The following ADAM23 variants were observed in gnomAD, a reference collection of about 807,000 sequenced individuals.
The protein encoded by ADAM23 is ADAM metallopeptidase domain 23, also known as disintegrin and metalloproteinase domain-containing protein 23.
ADAM23 carries 33 observed loss-of-function variants against 120.1 expected under a neutral mutation model. That is an observed-to-expected ratio of 0.27 (90% CI 0.21 to 0.37). ADAM23 has a LOEUF of 0.37. ADAM23 is among the 10% of genes least tolerant of loss of function. The pLI, the probability that ADAM23 is intolerant of heterozygous loss-of-function variation, is 1.00. For missense variants in ADAM23, 862 were observed against 1,058.2 expected (o/e 0.81, Z 2.57); for synonymous variants, 367 against 375.2 (o/e 0.98, Z 0.25).
In ADAM23 at chr2:206,594,961, G is replaced by T. The variant is rs1210318575; in HGVS notation, c.2247+56G>T. On this transcript the variant is annotated intron_variant, in intron 23 of 25. Coordinates refer to ENST00000264377, the MANE Select transcript of ADAM23 (RefSeq NM_003812.4). ...CTTCATGGTCTGGCATGGTCACAGT[G>T]ACTGGACTTTAATTTCAGCCATTCT... 3.1e-6 allele frequency: 5 copies of T among 1,587,576 alleles called. No individual in the cohort carries two copies. In the African/African-American group the frequency reaches 6.7e-5, roughly 21 times the overall value.
In ADAM23 at chr2:206,594,764, T is replaced by C. The variant is rs1446121304; in HGVS notation, c.2106T>C (p.Asp702=). The part of the protein sequence containing the change: ...CSGAHVVLDD[D]TDVGYVEDGT... ...GTGCCCATGTAGTTTTAGATGATGA[T>C]ACGGATGTGGGCTATGTAGAAGATG... The change falls in exon 23 of 26, where the codon GAT becomes GAC. Residue 702 remains aspartate (D), a synonymous_variant. Coordinates refer to ENST00000264377, the MANE Select transcript of ADAM23 (RefSeq NM_003812.4). The C allele has an allele frequency of 1.2e-6, 2 of 1,614,082 alleles. No homozygotes were observed. Among genetic ancestry groups the C allele is most frequent in the Non-Finnish European group, 1.7e-6 (2 of 1,180,034 alleles).
In ADAM23 at chr2:206,568,227, G is replaced by A. The variant is rs187406720; in HGVS notation, c.1494+905G>A. Among the ~76,000 whole-genome samples the A allele has an allele frequency of 3.1e-3, 466 of 152,118 alleles. 2 individuals are homozygous for A. The highest frequency in any genetic ancestry group is 0.011 in the African/African-American group (444 of 41,494). ...TTATGGATACCATAAATACACATAC[G>A]TGTTTATAATGCATTGTCTCTTTAC... On this transcript the variant is annotated intron_variant, in intron 15 of 25. Coordinates refer to ENST00000264377, the MANE Select transcript of ADAM23 (RefSeq NM_003812.4).
chr2:206,557,592 T>C, intron 10 of ADAM23, 94 bp downstream of exon 10: 2 of 1,176,808 alleles, frequency 1.7e-6, no homozygotes, highest in South Asian at 2.5e-5. Flanking sequence ...TGAACAAATT[T>C]AAAAACACAA....
rs536947995 is a variant in ADAM23, at chr2:206,454,970, T to C, written c.432+9446T>C. Among the ~76,000 whole-genome samples, 10 of 152,314 alleles carry C rather than the reference T, an allele frequency of 6.6e-5. No homozygotes were observed. In the East Asian group the frequency reaches 1.9e-3, roughly 29 times the overall value. ...GCATGGTGCAAGCTGTTGATGGATC[T>C]ACCATTCTGAGGTCTAGAGGGCAGT... On this transcript the variant is annotated intron_variant, in intron 2 of 25. Coordinates refer to ENST00000264377, the MANE Select transcript of ADAM23 (RefSeq NM_003812.4).
intron 6 of ADAM23, among the ~76,000 whole-genome samples, chr2:206,545,373 C>G (rs551105371): frequency 2.6e-5 from 4 of 152,182 alleles, no homozygotes; most frequent in South Asian, 4.1e-4. Context: ...GTAATCCCAG[C>G]TAGTGGGGAG....
intron 24 of ADAM23, among the ~76,000 whole-genome samples, chr2:206,604,369 A>G (rs1292739167): frequency 1.3e-5 from 2 of 152,246 alleles, no homozygotes; most frequent in African/African-American, 2.4e-5. Context: ...ATGAGGCTTC[A>G]TATTTTGAAT....
intron 3 of ADAM23, among the ~76,000 whole-genome samples, chr2:206,504,537 A>G (rs540339474): frequency 1.6e-4 from 25 of 152,324 alleles, no homozygotes; most frequent in African/African-American, 5.1e-4. Context: ...TCAACTTTGT[A>G]TCCTAGATGC....
At chr2:206,565,751 T>C (rs1314463203) in intron 14 of ADAM23, among the ~76,000 whole-genome samples, 1 of 152,138 alleles carries the variant, frequency 6.6e-6, no homozygotes, top group African/African-American at 2.4e-5. Flanking sequence ...AGAGGTTTCC[T>C]CACCCATGTG....
rs758398051 is a variant in ADAM23, at chr2:206,592,600, T to C, written c.1959-17T>C. The C allele has an allele frequency of 1.9e-6, 3 of 1,612,222 alleles. No homozygotes were observed. The South Asian group carries it at 3.3e-5, about 18-fold the overall frequency. ...TTCCTCCTGTCTGGTCTGTTTGTTT[T>C]CTTTACACATGTTCAGTGATGTGTT... On this transcript the variant is annotated splice_polypyrimidine_tract_variant and intron_variant, in intron 21 of 25. Coordinates refer to ENST00000264377, the MANE Select transcript of ADAM23 (RefSeq NM_003812.4).
chr2:206,592,488 G>T, intron 21 of ADAM23, 129 bp from the exon 22 acceptor site: 2 of 1,215,894 alleles, frequency 1.6e-6, no homozygotes, highest in Non-Finnish European at 2.3e-6. Flanking sequence ...AATGATATAT[G>T]ATCAAATGTT....
intron 25 of ADAM23, 97 bp from the exon 26 acceptor site, chr2:206,617,482 A>C: frequency 2.2e-6 from 3 of 1,360,482 alleles, no homozygotes; most frequent in Non-Finnish European, 3.0e-6. Context: ...TGGAACTAGC[A>C]TTATTGTCAT....
intron 3 of ADAM23, among the ~76,000 whole-genome samples, chr2:206,501,269 T>C (rs1387045475): frequency 6.6e-6 from 1 of 152,158 alleles, no homozygotes; most frequent in Non-Finnish European, 1.5e-5. Context: ...TTGAGAGCTC[T>C]TCTGGTGTAT....
intron 3 of ADAM23, among the ~76,000 whole-genome samples, chr2:206,487,407 A>G (rs374154250): frequency 2.0e-5 from 3 of 152,142 alleles, no homozygotes. Context: ...AATGGAGACA[A>G]TTTGGTAGGC....
chr2:206,500,950 T>G (rs143598028), intron 3 of ADAM23, among the ~76,000 whole-genome samples: 13 of 152,250 alleles, frequency 8.5e-5, no homozygotes, highest in African/African-American at 2.9e-4. Flanking sequence ...GTTTTCCTGT[T>G]TAAAGTCAAT....
intron 18 of ADAM23, among the ~76,000 whole-genome samples, chr2:206,582,007 A>G (rs891352259): frequency 1.3e-5 from 2 of 151,960 alleles, no homozygotes; most frequent in African/African-American, 2.4e-5. Context: ...CCTCCCAAGT[A>G]GCTGGGATTA....
At position 206,608,569 on chromosome 2, in the gene ADAM23, T is replaced by C. The variant is rs117636067; in HGVS notation, c.2360-1341T>C. Among the ~76,000 whole-genome samples, 168 of 152,166 alleles carry C rather than the reference T, an allele frequency of 1.1e-3. 2 individuals carry two copies. The East Asian group carries it at 0.031, about 28-fold the overall frequency. ...AAACTATTTTTATGGCTCTCATTAT[T>C]ATTATTATTATTATTGGTGTATCTC... On this transcript the variant is annotated intron_variant, in intron 24 of 25. Coordinates refer to ENST00000264377, the MANE Select transcript of ADAM23 (RefSeq NM_003812.4).
intron 3 of ADAM23, among the ~76,000 whole-genome samples, chr2:206,511,045 T>A (rs1381365752): frequency 3.3e-5 from 5 of 152,178 alleles, no homozygotes; most frequent in Non-Finnish European, 7.3e-5. Context: ...ACAAGATGTA[T>A]CTTTTATCTT....
At chr2:206,482,141 A>T (rs1301974394) in intron 3 of ADAM23, among the ~76,000 whole-genome samples, 1 of 152,254 alleles carries the variant, frequency 6.6e-6, no homozygotes, top group African/African-American at 2.4e-5. Context: ...GCAAAGAATT[A>T]TAAAGAACAA....
At chr2:206,444,186 C>G (rs1695026158) in intron 1 of ADAM23, 106 bp downstream of exon 1, 3 of 855,542 alleles carry the variant, frequency 3.5e-6, no homozygotes, top group Non-Finnish European at 4.6e-6. Context: ...CCGGCTCGGC[C>G]TTTCCTTCCC....
Sources: allele counts gnomAD v4.1 joint callset (sites outside exome capture counted in the v4.1 genomes callset), GRCh38; gene constraint gnomAD v4.1.1; transcripts MANE v1.5; gene names NCBI Gene and HGNC (gene_info 2026-07-23, HGNC 2026-07-21).